The following LRRC40 variants were observed in gnomAD, a reference collection of about 807,000 sequenced individuals.
LRRC40 encodes the protein leucine rich repeat containing 40.
Under a neutral mutation model 72.8 loss-of-function variants are expected in LRRC40, and 76 were observed. The observed-to-expected ratio is 1.04, with a 90% CI of 0.87 to 1.26. The LOEUF (loss-of-function observed/expected upper bound fraction) is 1.26. Ranked by LOEUF, LRRC40 falls within the 50% of genes most tolerant of loss-of-function variation. LRRC40 has a pLI of 0.00. For synonymous variants in LRRC40, 243 were observed against 254.2 expected, an observed-to-expected ratio of 0.96 and a Z score of 0.42; for missense variants, 684 against 698.9, an observed-to-expected ratio of 0.98 and a Z score of 0.24.
intron 1 of LRRC40, 152 bp downstream of exon 1, chr1:70,205,238 G>A (rs925828841): frequency 1.4e-6 from 1 of 693,136 alleles, no homozygotes; most frequent in Non-Finnish European, 2.2e-6. Flanking sequence ...AACCAAACCG[G>A]TCGAAATGAG....
At chr1:70,185,352 C>T (rs938143529) in intron 3 of LRRC40, among the ~76,000 whole-genome samples, 4 of 152,176 alleles carry the variant, frequency 2.6e-5, no homozygotes, top group African/African-American at 7.2e-5. Context: ...TAGTATGAAT[C>T]ATGGGAGCGG....
At chr1:70,169,448 G>C (rs1446339698) in intron 9 of LRRC40, among the ~76,000 whole-genome samples, 1 of 151,966 alleles carries the variant, frequency 6.6e-6, no homozygotes, top group Non-Finnish European at 1.5e-5. Flanking sequence ...TAAATAATTA[G>C]AGTGTTAATT....
chr1:70,180,924 A>G (rs1668229921), intron 5 of LRRC40, among the ~76,000 whole-genome samples, 162 bp downstream of exon 5: 1 of 152,174 alleles, frequency 6.6e-6, no homozygotes. Context: ...CAGTTGATAC[A>G]TAATAATGGT....
chr1:70,190,751 T>C (rs1347348432), intron 1 of LRRC40, among the ~76,000 whole-genome samples: 5 of 141,728 alleles, frequency 3.5e-5, no homozygotes, highest in Non-Finnish European at 7.7e-5. Context: ...CTAAAATAAA[T>C]TATAAGGTCC....
chr1:70,164,660 C>G (rs1340010867), intron 9 of LRRC40, among the ~76,000 whole-genome samples: 1 of 152,126 alleles, frequency 6.6e-6, no homozygotes, highest in East Asian at 1.9e-4. Flanking sequence ...TTAGAATCTG[C>G]ACTCACTTAA....
chr1:70,192,524 T>C (rs560186660), intron 1 of LRRC40, among the ~76,000 whole-genome samples: 5 of 152,254 alleles, frequency 3.3e-5, no homozygotes, highest in East Asian at 1.9e-4. Context: ...CAAATATTCA[T>C]TGTAGCACTA....
chr1:70,170,676 A>C (rs1667981837), intron 9 of LRRC40, among the ~76,000 whole-genome samples: 1 of 152,118 alleles, frequency 6.6e-6, no homozygotes, highest in Non-Finnish European at 1.5e-5. Flanking sequence ...CAAGTATAAA[A>C]CTTACAGTCT....
At chr1:70,180,967 C>A in intron 5 of LRRC40, 119 bp downstream of exon 5, 2 of 680,526 alleles carry the variant, frequency 2.9e-6, no homozygotes. Context: ...CTATTGTTTG[C>A]ATTTACCACT....
At position 70,187,269 on chromosome 1, in the gene LRRC40, C is replaced by G; in HGVS notation, c.403G>C (p.Val135Leu). 6 of 1,514,288 alleles carry G rather than the reference C, an allele frequency of 4.0e-6. No individual in the cohort carries two copies. The South Asian group carries it at 6.8e-5, about 17-fold the overall frequency. 93.8% of individuals were successfully genotyped at this position (1,514,288 alleles called of 1,614,324 possible). A position where few individuals can be genotyped will look rare whatever the true frequency, so the allele number is the denominator to read the frequency against. ...RELENLQKLNVSHNKLKILPE... is the reference protein window; with the variant it reads ...RELENLQKLNLSHNKLKILPE... The stretch of plus-strand genomic sequence containing the variant: ...GTAAATAAGCTTAATTTTTACCTGA[C>G]ATTAAGTTTCTGAAGATTTTCTAGC... The change falls in exon 3 of 15, where the codon GTC becomes CTC. Residue 135 changes from valine to leucine, a missense_variant. Physicochemically the swap from Val to Leu is conservative, Grantham distance 32. Coordinates refer to ENST00000370952, the MANE Select transcript of LRRC40 (RefSeq NM_017768.5).
At chr1:70,172,814 G>A (rs1571462663) in intron 9 of LRRC40, among the ~76,000 whole-genome samples, 1 of 152,004 alleles carries the variant, frequency 6.6e-6, no homozygotes, top group Non-Finnish European at 1.5e-5. Context: ...AGAGTTGTGA[G>A]GTAAATTAAC....
intron 13 of LRRC40, among the ~76,000 whole-genome samples, chr1:70,150,545 T>C (rs1571431315): frequency 2.0e-5 from 3 of 152,214 alleles, no homozygotes; most frequent in Admixed American, 2.0e-4. Flanking sequence ...TTGATAGTGT[T>C]TGCAGAACAA....
At chr1:70,164,015 TC>T (rs1380641946) in intron 9 of LRRC40, among the ~76,000 whole-genome samples, 1 of 152,152 alleles carries the variant, frequency 6.6e-6, no homozygotes, top group Non-Finnish European at 1.5e-5. Context: ...GTGGGGGCGC[TC>T]TTGCTGTGTC....
chr1:70,161,432 G>A (rs1254783681), intron 9 of LRRC40, among the ~76,000 whole-genome samples: 3 of 151,098 alleles, frequency 2.0e-5, no homozygotes, highest in African/African-American at 7.3e-5. Context: ...GACGCCTGTA[G>A]TCCCAGCTAC....
At chr1:70,187,240 A>T (rs762866742) in intron 3 of LRRC40, 25 bp downstream of exon 3, 1 of 1,151,714 alleles carries the variant, frequency 8.7e-7, no homozygotes, top group Non-Finnish European at 1.3e-6. Context: ...GGGCAATAAT[A>T]TAAGTAAATA....
At chr1:70,185,303 C>T (rs77306714) in intron 3 of LRRC40, among the ~76,000 whole-genome samples, 1 of 152,210 alleles carries the variant, frequency 6.6e-6, no homozygotes, top group African/African-American at 2.4e-5. Context: ...ATTGTACTCC[C>T]ATAATTCCCA....
chr1:70,195,935 C>T (rs934930014), intron 1 of LRRC40, among the ~76,000 whole-genome samples: 3 of 152,104 alleles, frequency 2.0e-5, no homozygotes, highest in African/African-American at 7.2e-5. Flanking sequence ...CACGCCAGGA[C>T]CTATACTTAC....
At chr1:70,202,156 T>A (rs1157049970) in intron 1 of LRRC40, among the ~76,000 whole-genome samples, 3 of 152,156 alleles carry the variant, frequency 2.0e-5, no homozygotes, top group African/African-American at 7.2e-5. Context: ...GGGCTCAACA[T>A]AGTCTCTTAT....
chr1:70,159,311 A>C lies in LRRC40; in HGVS notation c.1220+19T>G. On this transcript the variant is annotated intron_variant, in intron 10 of 14. Transcript: ENST00000370952. ...AGACCCTATCTCTATAAAAATAAAA[A>C]TAATAATAAATTACATACCTATAGT... 4 of 1,148,192 alleles carry C rather than the reference A, an allele frequency of 3.5e-6. No homozygotes were observed. The highest frequency in any genetic ancestry group is 5.0e-6 in the Non-Finnish European group (4 of 802,576). The allele number at this position is 1,148,192 out of a possible 1,614,324, so 71.1% of individuals were successfully genotyped here. A position where few individuals can be genotyped will look rare whatever the true frequency, so the allele number is the denominator to read the frequency against.
At chr1:70,169,460 A>G (rs1206654109) in intron 9 of LRRC40, among the ~76,000 whole-genome samples, 3 of 152,218 alleles carry the variant, frequency 2.0e-5, no homozygotes, top group Non-Finnish European at 2.9e-5. Flanking sequence ...GTGTTAATTA[A>G]TGAAATAGAG....
Sources: gnomAD v4.1 joint callset for allele counts (sites outside exome capture counted in the v4.1 genomes callset) on GRCh38, gnomAD v4.1.1 for gene constraint, MANE v1.5 for transcripts, NCBI Gene and HGNC (gene_info 2026-07-23, HGNC 2026-07-21) for gene names.